ILKAP: variants seen among roughly 807,000 people sequenced by gnomAD.
ILKAP encodes ILK associated serine/threonine phosphatase.
Under a neutral mutation model 49.1 loss-of-function variants are expected in ILKAP, and 11 were observed. The ratio of observed to expected loss-of-function variants is 0.22; its 90% CI spans 0.14 to 0.37. ILKAP has a LOEUF of 0.37. Among genes scored for constraint, ILKAP ranks in the 10% least tolerant of loss-of-function variants. The probability of loss-of-function intolerance (pLI) is 1.00; values close to 1 mark genes in which losing one functional copy is unlikely to be tolerated. For synonymous variants in ILKAP, 186 were observed against 192.8 expected, an observed-to-expected ratio of 0.96 and a Z score of 0.29; for missense variants, 363 against 510.8, an observed-to-expected ratio of 0.71 and a Z score of 2.79.
At chr2:238,175,735 C>T (rs567863837) in intron 9 of ILKAP, among the ~76,000 whole-genome samples, 1 of 152,188 alleles carries the variant, frequency 6.6e-6, no homozygotes, top group Non-Finnish European at 1.5e-5. Flanking sequence ...ACCAGCCCCA[C>T]AGGCTTCGTC....
At chr2:238,193,409 C>T (rs1430245041) in intron 3 of ILKAP, among the ~76,000 whole-genome samples, 5 of 152,168 alleles carry the variant, frequency 3.3e-5, no homozygotes, top group Admixed American at 1.3e-4. Flanking sequence ...TTAGTAGAGA[C>T]AGGGTTTCGC....
Position 238,188,199 on chromosome 2 carries a change from C to T in ILKAP, c.357G>A (p.Glu119=), listed in dbSNP as rs769371150. 15 of 1,614,088 alleles carry T rather than the reference C, an allele frequency of 9.3e-6. No homozygotes were observed. The highest frequency in any genetic ancestry group is 1.2e-5 in the Non-Finnish European group (14 of 1,179,998). The part of the protein sequence containing the change: ...GYVAERKGER[E]EMQDAHVILN... Reference sequence around the variant, plus strand: ...GGATGACGTGGGCATCCTGCATCTCCTCCCTCTCACCCTTCCGCTCAGCCA... The same window carrying T: ...GGATGACGTGGGCATCCTGCATCTCTTCCCTCTCACCCTTCCGCTCAGCCA... The change falls in exon 5 of 12, where the codon GAG becomes GAA. Residue 119 remains glutamate, a synonymous_variant. Transcript: ENST00000254654.
In ILKAP at chr2:238,194,851, T is replaced by C. The variant is rs1559300261; in HGVS notation, c.75A>G (p.Gly25=). The C allele has an allele frequency of 6.2e-7, 1 of 1,613,884 alleles. No homozygotes were observed. The highest frequency in any genetic ancestry group is 1.3e-5 in the African/African-American group (1 of 74,964). The change falls in exon 2 of 12, where the codon GGA becomes GGG. Residue 25 remains glycine (G), a synonymous_variant. Transcript: ENST00000254654. ...GAGGGAGGTCATCAAAGAGCAGGGGTCCTTTCTGAGCTTCTTTCCCTAAAA... is the reference window on the plus strand; with the variant it reads ...GAGGGAGGTCATCAAAGAGCAGGGGCCCTTTCTGAGCTTCTTTCCCTAAAA... ...RPAAGKEAQK[G]PLLFDDLPPA...
At chr2:238,195,943 T>C (rs917764234) in intron 1 of ILKAP, among the ~76,000 whole-genome samples, 8 of 147,426 alleles carry the variant, frequency 5.4e-5, no homozygotes, top group Non-Finnish European at 1.2e-4. Flanking sequence ...CTCAGTAGGC[T>C]GAGGTGGGAG....
chr2:238,201,737 A>C (rs1694577941), intron 1 of ILKAP, among the ~76,000 whole-genome samples: 1 of 152,256 alleles, frequency 6.6e-6, no homozygotes, highest in South Asian at 2.1e-4. Context: ...ATAGGTTTAC[A>C]CGCACACTGG....
intron 1 of ILKAP, among the ~76,000 whole-genome samples, chr2:238,202,776 G>C (rs1369596802): frequency 6.6e-6 from 1 of 151,960 alleles, no homozygotes; most frequent in African/African-American, 2.4e-5. Context: ...CAAGCTGCTA[G>C]GATGCTGAGC....
chr2:238,182,183 T>C lies in ILKAP; in HGVS notation c.718A>G (p.Ile240Val), dbSNP rs1401756006. 6.2e-7 allele frequency: 1 copy of C among 1,613,410 alleles called. No homozygotes were observed. Among genetic ancestry groups the C allele is most frequent in the Non-Finnish European group, 8.5e-7 (1 of 1,179,502 alleles). The change falls in exon 9 of 12, where the codon ATC becomes GTC. Residue 240 changes from isoleucine to valine, a missense_variant. Physicochemically the swap from Ile to Val is conservative, Grantham distance 29. Around this residue, in one of 3 missense-constraint regions of ILKAP, gnomAD observed 166 missense variants for 307.3 expected, o/e 0.54. Coordinates refer to ENST00000254654, the MANE Select transcript of ILKAP (RefSeq NM_030768.3). The stretch of plus-strand genomic sequence containing the variant: ...CTCTCCTCATTATAACGACACAAGA[T>C]TGCCTGGGAAGATGGAGATTGTAAT... ...YIANLGDSRAILCRYNEESQK... is the reference protein window; with the variant it reads ...YIANLGDSRAVLCRYNEESQK...
chr2:238,174,207 G>A (rs1693348519), intron 9 of ILKAP, among the ~76,000 whole-genome samples: 1 of 152,212 alleles, frequency 6.6e-6, no homozygotes, highest in African/African-American at 2.4e-5. Context: ...ACAGTATCCT[G>A]CATAGCATCA....
At chr2:238,175,468 G>C (rs1378165131) in intron 9 of ILKAP, among the ~76,000 whole-genome samples, 1 of 152,150 alleles carries the variant, frequency 6.6e-6, no homozygotes, top group Non-Finnish European at 1.5e-5. Context: ...AAGCACAATG[G>C]ACAGAATGAC....
chr2:238,185,474 A>C, intron 5 of ILKAP, 187 bp from the exon 6 acceptor site: 1 of 519,748 alleles, frequency 1.9e-6, no homozygotes, highest in Non-Finnish European at 3.4e-6. Flanking sequence ...TATTTAAGTA[A>C]CTTTCACAGC....
chr2:238,186,483 C>A (rs958964173), intron 5 of ILKAP: 27 of 152,146 alleles, frequency 1.8e-4, no homozygotes, highest in Admixed American at 7.2e-4. Flanking sequence ...AATTTGTAAT[C>A]TTATGGGAGC....
At chr2:238,173,417 C>G in intron 10 of ILKAP, 117 bp downstream of exon 10, 1 of 1,347,566 alleles carries the variant, frequency 7.4e-7, no homozygotes, top group African/African-American at 1.5e-5. Flanking sequence ...CTCTGCACCC[C>G]CAGGGCCTAG....
At chr2:238,200,075 A>T (rs1254492168) in intron 1 of ILKAP, among the ~76,000 whole-genome samples, 1 of 152,230 alleles carries the variant, frequency 6.6e-6, no homozygotes, top group Non-Finnish European at 1.5e-5. Flanking sequence ...AGCAATTTTA[A>T]ACCATGACAC....
intron 3 of ILKAP, among the ~76,000 whole-genome samples, chr2:238,193,076 C>T (rs889462527): frequency 6.6e-6 from 1 of 152,162 alleles, no homozygotes; most frequent in Non-Finnish European, 1.5e-5. Flanking sequence ...ATTATATATC[C>T]AAAAAATTAA....
chr2:238,189,020 GA>G (rs988011271), intron 4 of ILKAP, among the ~76,000 whole-genome samples: 12 of 152,184 alleles, frequency 7.9e-5, no homozygotes, highest in African/African-American at 2.9e-4. Flanking sequence ...TGCAGTCAAT[GA>G]AAATCCCACA....
At chr2:238,194,557 G>C (rs960953164) in intron 2 of ILKAP, 9 of 603,766 alleles carry the variant, frequency 1.5e-5, no homozygotes, top group Non-Finnish European at 2.4e-5. Flanking sequence ...TTGTACTTCA[G>C]GTAGTAAAAT....
At chr2:238,183,554 C>T (rs142019067) in intron 8 of ILKAP, 99 bp downstream of exon 8, 418 of 858,026 alleles carry the variant, frequency 4.9e-4, no homozygotes, top group Admixed American at 9.4e-4. Context: ...AGGTTTCAAC[C>T]AGACACCATC....
In ILKAP at chr2:238,203,157, G is replaced by A. The variant is rs139762557; in HGVS notation, c.55+342C>T. On this transcript the variant is annotated intron_variant, in intron 1 of 11. Coordinates refer to ENST00000254654, the MANE Select transcript of ILKAP (RefSeq NM_030768.3). ...TGGAATCGGGGCGCGGGGGCCCGCGGTGCCGCCGGGCGTTCAGAGCCGGTC... is the reference window on the plus strand; with the variant it reads ...TGGAATCGGGGCGCGGGGGCCCGCGATGCCGCCGGGCGTTCAGAGCCGGTC... Among the ~76,000 whole-genome samples the A allele has an allele frequency of 9.5e-4, 143 of 151,308 alleles. 1 individual carries two copies. The East Asian group carries it at 0.026, about 27-fold the overall frequency.
intron 10 of ILKAP, 67 bp from the exon 11 acceptor site, chr2:238,171,091 G>C: frequency 9.9e-7 from 1 of 1,012,526 alleles, no homozygotes; most frequent in Middle Eastern, 2.3e-4. Flanking sequence ...TAAAAAAAGG[G>C]CCTGGAGATG....
Sources: gnomAD v4.1 joint callset for allele counts (sites outside exome capture counted in the v4.1 genomes callset) on GRCh38, gnomAD v4.1.1 for gene constraint, gnomAD v4.1.1 regional missense constraint, MANE v1.5 for transcripts, NCBI Gene and HGNC (gene_info 2026-07-23, HGNC 2026-07-21) for gene names.